The following MALSU1 variants were observed in gnomAD, a reference collection of about 807,000 sequenced individuals.
The protein encoded by MALSU1 is mitochondrial assembly of ribosomal large subunit protein 1.
In MALSU1, 22 loss-of-function variants were observed where a neutral mutation model predicts 22.1. The ratio of observed to expected loss-of-function variants is 1.00; its 90% CI spans 0.71 to 1.42. The LOEUF (loss-of-function observed/expected upper bound fraction) is 1.42. Among genes scored for constraint, MALSU1 ranks in the 40% most tolerant of loss-of-function variants. The pLI is 0.00. For missense variants in MALSU1, 379 were observed against 308.3 expected (o/e 1.23, Z -1.72); for synonymous variants, 153 against 118.5 (o/e 1.29, Z -1.89).
chr7:23,301,178 G>A, intron 2 of MALSU1, 161 bp downstream of exon 2: 1 of 609,872 alleles, frequency 1.6e-6, no homozygotes, highest in Non-Finnish European at 2.9e-6. Context: ...TTCTTTGATA[G>A]TGAAACATAT....
chr7:23,299,377 CGGCTGCTCGCCCCACT>C lies in MALSU1; in HGVS notation c.26_41del (p.Arg9GlnfsTer31), dbSNP rs746350210. 3.8e-6 allele frequency: 6 copies of C among 1,585,740 alleles called. No individual in the cohort carries two copies. In the Admixed American group the frequency reaches 1.0e-4, roughly 27 times the overall value. On this transcript the variant is annotated frameshift_variant, in exon 1 of 4. Transcript: ENST00000466681. LOFTEE classifies it high-confidence loss of function. ...TATGGGGCCGGGCGGCCGTGTGGCG[CGGCTGCTCGCCCCACT>C]AATGTGGCGCAGGGCGGTTTCCTCG...
rs1407703597 is a variant in MALSU1, at chr7:23,307,934, C to G, written c.502C>G (p.Leu168Val). ...KIEGKDTDDW[L>V]CVDFGSMVIH... is the part of the protein sequence containing the mutation. The stretch of plus-strand genomic sequence containing the variant: ...AGAAGGGAAGGACACTGATGACTGG[C>G]TGTGCGTGGATTTTGGTAAGTTATT... The change falls in exon 3 of 4, where the codon CTG becomes GTG. Residue 168 changes from leucine (L) to valine (V), a missense_variant. By Grantham distance (32) the Leu-to-Val change is conservative. Coordinates refer to ENST00000466681, the MANE Select transcript of MALSU1 (RefSeq NM_138446.2). 6.2e-7 allele frequency: 1 copy of G among 1,613,118 alleles called. No individual in the cohort carries two copies. The highest frequency in any genetic ancestry group is 1.7e-5 in the Admixed American group (1 of 60,010).
At chr7:23,299,954 A>C (rs1042496864) in intron 1 of MALSU1, among the ~76,000 whole-genome samples, 9 of 152,094 alleles carry the variant, frequency 5.9e-5, no homozygotes, top group Admixed American at 1.3e-4. Flanking sequence ...CTGAGGAGCC[A>C]GGGTCTGGGT....
At chr7:23,305,542 A>T (rs1426169504) in intron 2 of MALSU1, among the ~76,000 whole-genome samples, 1 of 151,836 alleles carries the variant, frequency 6.6e-6, no homozygotes, top group African/African-American at 2.4e-5. Context: ...TGCCCAGCTA[A>T]TTTTTTGTAT....
rs761036860 is a variant in MALSU1, at chr7:23,309,424, C to T, written c.586C>T (p.Leu196=). Residue 196 remains leucine, a synonymous_variant, in exon 4 of 4, where the codon CTA becomes TTA. Transcript: ENST00000466681. ...EIYELEKLWT[L]RSYDDQLAQI... ...CTATGAATTAGAGAAATTATGGACC[C>T]TACGTTCTTATGATGACCAGTTAGC... 3.7e-6 allele frequency: 6 copies of T among 1,613,568 alleles called. No individual in the cohort carries two copies. The highest frequency in any genetic ancestry group is 5.1e-6 in the Non-Finnish European group (6 of 1,179,836).
Position 23,309,739 on chromosome 7 carries a change from T to C in MALSU1, c.*196T>C, listed in dbSNP as rs1225280892. 1 of 373,782 alleles carries C rather than the reference T, an allele frequency of 2.7e-6. No homozygotes were observed. Among genetic ancestry groups the C allele is most frequent in the Non-Finnish European group, 4.8e-6 (1 of 209,272 alleles). The allele number at this position is 373,782 out of a possible 1,614,324, so 23.2% of individuals were successfully genotyped here. A position where few individuals can be genotyped will look rare whatever the true frequency, so the allele number is the denominator to read the frequency against. On this transcript the variant is annotated 3_prime_UTR_variant, in exon 4 of 4. Coordinates refer to ENST00000466681, the MANE Select transcript of MALSU1 (RefSeq NM_138446.2). ...CCTGCAACCAAAAATCAGTACATTCTACCCAAAACTTATGACACGCTGCCT... is the reference window on the plus strand; with the variant it reads ...CCTGCAACCAAAAATCAGTACATTCCACCCAAAACTTATGACACGCTGCCT...
chr7:23,300,700 G>A, intron 1 of MALSU1, 139 bp from the exon 2 acceptor site: 1 of 673,674 alleles, frequency 1.5e-6, no homozygotes, highest in Non-Finnish European at 2.6e-6. Flanking sequence ...CCTTCCAGGA[G>A]GCCTTTACCC....
intron 1 of MALSU1, 107 bp downstream of exon 1, chr7:23,299,715 A>G: frequency 2.3e-6 from 3 of 1,277,060 alleles, no homozygotes; most frequent in Non-Finnish European, 3.2e-6. Flanking sequence ...TCTTGGAGTC[A>G]CAAAACTCCT....
At chr7:23,304,314 A>G (rs1783695837) in intron 2 of MALSU1, among the ~76,000 whole-genome samples, 1 of 152,132 alleles carries the variant, frequency 6.6e-6, no homozygotes, top group Non-Finnish European at 1.5e-5. Flanking sequence ...AGCAGTGCAG[A>G]GTTTCCAGTC....
intron 2 of MALSU1, among the ~76,000 whole-genome samples, chr7:23,303,381 A>G (rs1783673961): frequency 6.6e-6 from 1 of 152,256 alleles, no homozygotes; most frequent in African/African-American, 2.4e-5. Context: ...TTAAGGCTGA[A>G]TAATACTCTA....
intron 2 of MALSU1, among the ~76,000 whole-genome samples, chr7:23,304,014 G>A (rs755239821): frequency 3.3e-5 from 5 of 151,884 alleles, no homozygotes; most frequent in East Asian, 1.9e-4. Flanking sequence ...GCTGAGGCAC[G>A]AGAATCGCTT....
At chr7:23,306,092 G>T (rs1783718570) in intron 2 of MALSU1, among the ~76,000 whole-genome samples, 1 of 152,200 alleles carries the variant, frequency 6.6e-6, no homozygotes, top group Non-Finnish European at 1.5e-5. Flanking sequence ...TACTTGGGAG[G>T]CTGAGGCAGG....
chr7:23,301,108 C>A, intron 2 of MALSU1, 91 bp downstream of exon 2: 1 of 1,221,302 alleles, frequency 8.2e-7, no homozygotes, highest in South Asian at 1.6e-5. Context: ...AGGGTAAACC[C>A]ATCATACAAA....
chr7:23,300,920 A>C lies in MALSU1; in HGVS notation c.338A>C (p.Gln113Pro). The C allele has an allele frequency of 1.9e-6, 3 of 1,614,064 alleles. No homozygotes were observed. Among genetic ancestry groups the C allele is most frequent in the Non-Finnish European group, 2.5e-6 (3 of 1,179,916 alleles). Residue 113 changes from glutamine to proline, a missense_variant, in exon 2 of 4, where the codon CAG becomes CCG. Coordinates refer to ENST00000466681, the MANE Select transcript of MALSU1 (RefSeq NM_138446.2). ...AATGCAAGAGACATTTGTGTGATCC[A>C]GGTTCCTCCAGAAATGAGATATACA... ...QENARDICVI[Q>P]VPPEMRYTDY...
chr7:23,306,334 A>T (rs753933977), intron 2 of MALSU1, among the ~76,000 whole-genome samples: 6 of 152,076 alleles, frequency 3.9e-5, no homozygotes, highest in Non-Finnish European at 8.8e-5. Flanking sequence ...AGTAGCCCTA[A>T]CTGGGTTTTT....
Position 23,300,953 on chromosome 7 carries a change from T to C in MALSU1, c.371T>C (p.Phe124Ser). 6.2e-7 allele frequency: 1 copy of C among 1,613,996 alleles called. No homozygotes were observed. Among genetic ancestry groups the C allele is most frequent in the Non-Finnish European group, 8.5e-7 (1 of 1,179,944 alleles). Residue 124 changes from phenylalanine to serine, a missense_variant, in exon 2 of 4, where the codon TTT becomes TCT. Physicochemically the swap from Phe to Ser is radical, Grantham distance 155 (BLOSUM62 -2). Transcript: ENST00000466681. Reference protein sequence around the residue: ...VPPEMRYTDYFVIVSGTSTRH... With the variant: ...VPPEMRYTDYSVIVSGTSTRH... ...CCAGAAATGAGATATACAGATTACT[T>C]TGTGATTGTTAGTGGAACTTCTACC...
chr7:23,302,808 G>C (rs1220405651), intron 2 of MALSU1, among the ~76,000 whole-genome samples: 5 of 152,078 alleles, frequency 3.3e-5, no homozygotes, highest in Non-Finnish European at 7.4e-5. Flanking sequence ...CAAGAGTCTC[G>C]CTCTGTCGCC....
chr7:23,305,957 G>C (rs1783716624), intron 2 of MALSU1, among the ~76,000 whole-genome samples: 2 of 152,206 alleles, frequency 1.3e-5, no homozygotes, highest in Non-Finnish European at 2.9e-5. Flanking sequence ...CACTTTGGGA[G>C]GCCGAGGCAG....
rs770643597 is a variant in MALSU1 at position 23,309,422 on chromosome 7, C to T, written c.584C>T (p.Thr195Ile). ...ATCTATGAATTAGAGAAATTATGGA[C>T]CCTACGTTCTTATGATGACCAGTTA... Reference protein sequence around the residue: ...REIYELEKLWTLRSYDDQLAQ... With the variant: ...REIYELEKLWILRSYDDQLAQ... Residue 195 changes from threonine to isoleucine, a missense_variant, in exon 4 of 4, where the codon ACC (threonine) becomes ATC (isoleucine). Coordinates refer to ENST00000466681, the MANE Select transcript of MALSU1 (RefSeq NM_138446.2). The T allele has an allele frequency of 6.2e-7, 1 of 1,613,566 alleles. No individual in the cohort carries two copies. Among genetic ancestry groups the T allele is most frequent in the Non-Finnish European group, 8.5e-7 (1 of 1,179,808 alleles).
Sources: gnomAD v4.1 joint callset for allele counts (sites outside exome capture counted in the v4.1 genomes callset) on GRCh38, gnomAD v4.1.1 for gene constraint, MANE v1.5 for transcripts, NCBI Gene and HGNC (gene_info 2026-07-23, HGNC 2026-07-21) for gene names.